IGSF11: variants seen among roughly 807,000 people sequenced by gnomAD.
IGSF11 encodes the protein immunoglobulin superfamily member 11, also known as CXADR like 1.
Under a neutral mutation model 41.0 loss-of-function variants are expected in IGSF11, and 22 were observed. The ratio of observed to expected loss-of-function variants is 0.54; its 90% CI spans 0.38 to 0.77. The LOEUF is 0.77. IGSF11 is among the 30% of genes least tolerant of loss of function. The pLI is 0.00. For synonymous variants in IGSF11, 219 were observed against 201.3 expected, an observed-to-expected ratio of 1.09 and a Z score of -0.74; for missense variants, 444 against 530.8, an observed-to-expected ratio of 0.84 and a Z score of 1.61.
At chr3:118,988,206 A>G (rs762685627) in intron 1 of IGSF11, among the ~76,000 whole-genome samples, 2 of 152,214 alleles carry the variant, frequency 1.3e-5, no homozygotes, top group Non-Finnish European at 2.9e-5. Flanking sequence ...TCAATATAAT[A>G]TCCTAATTGC....
intron 1 of IGSF11, among the ~76,000 whole-genome samples, chr3:119,116,003 C>T (rs1332476298): frequency 2.0e-5 from 3 of 152,192 alleles, no homozygotes; most frequent in African/African-American, 7.2e-5. Flanking sequence ...TGTGAATTTA[C>T]TCTACCTCTA....
chr3:118,929,987 G>C, intron 2 of IGSF11, 125 bp downstream of exon 2: 2 of 863,578 alleles, frequency 2.3e-6, no homozygotes, highest in Non-Finnish European at 3.5e-6. Context: ...GGCCTTAAAA[G>C]AGTACACGCA....
chr3:118,912,788 A>T (rs79291883), intron 4 of IGSF11, among the ~76,000 whole-genome samples: 4,056 of 152,286 alleles, frequency 0.027, 164 homozygotes, highest in African/African-American at 0.092. Flanking sequence ...TATTAAACAT[A>T]TACAGAATAG....
At chr3:118,913,971 C>T (rs971395781) in intron 4 of IGSF11, among the ~76,000 whole-genome samples, 2 of 152,088 alleles carry the variant, frequency 1.3e-5, no homozygotes, top group Non-Finnish European at 2.9e-5. Flanking sequence ...AGAGAAAGAA[C>T]TGATGAGACG....
At chr3:118,903,020 T>G in intron 6 of IGSF11, 59 bp from the exon 7 acceptor site, 1 of 1,460,468 alleles carries the variant, frequency 6.8e-7, no homozygotes, top group Non-Finnish European at 9.4e-7. Context: ...CCTATCCTCC[T>G]ACCCTGGAAT....
intron 1 of IGSF11, among the ~76,000 whole-genome samples, chr3:119,022,431 A>T (rs1447939445): frequency 6.6e-6 from 1 of 152,212 alleles, no homozygotes; most frequent in African/African-American, 2.4e-5. Context: ...GTTATGTTAT[A>T]TATATTTTAC....
At chr3:118,930,321 C>A in intron 1 of IGSF11, 46 bp from the exon 2 acceptor site, 1 of 1,560,486 alleles carries the variant, frequency 6.4e-7, no homozygotes, top group Non-Finnish European at 8.7e-7. Context: ...CCTTTCCCAA[C>A]AGTCCAAACT....
chr3:119,048,283 C>T (rs1359196536), intron 1 of IGSF11, among the ~76,000 whole-genome samples: 1 of 151,886 alleles, frequency 6.6e-6, no homozygotes, highest in African/African-American at 2.4e-5. Context: ...AGAGAAGAAT[C>T]AAATAGACGC....
chr3:119,145,916 C>T (rs1014370818), exon 1 of IGSF11: 5 of 395,600 alleles, frequency 1.3e-5, no homozygotes, highest in Admixed American at 4.2e-5. Flanking sequence ...CCTGGTTGCT[C>T]GGCAGGGTGA....
Position 118,902,466 on chromosome 3 carries a change from C to CCAGTT in IGSF11, c.*53_*54insAACTG. 4 of 878,258 alleles carry CCAGTT rather than the reference C, an allele frequency of 4.6e-6. No individual in the cohort carries two copies. Among genetic ancestry groups the CCAGTT allele is most frequent in the East Asian group, 2.5e-5 (1 of 39,486 alleles). The allele number at this position is 878,258 out of a possible 1,614,324, so 54.4% of individuals were successfully genotyped here. On this transcript the variant is annotated 3_prime_UTR_variant, in exon 7 of 7. Coordinates refer to ENST00000393775, the MANE Select transcript of IGSF11 (RefSeq NM_001015887.3). ...CAGCACTCCCCACCCCACCCTCCCC[C>CCAGTT]TTGTATGAGGGCATTCCATTTATTC...
intron 1 of IGSF11, among the ~76,000 whole-genome samples, chr3:119,048,861 G>T (rs539595221): frequency 8.9e-4 from 135 of 152,180 alleles, no homozygotes; most frequent in African/African-American, 2.9e-3. Context: ...ATCAGTAAAT[G>T]TAATCCAGCA....
At chr3:118,931,893 C>T (rs1942885446) in intron 1 of IGSF11, among the ~76,000 whole-genome samples, 1 of 152,082 alleles carries the variant, frequency 6.6e-6, no homozygotes, top group East Asian at 1.9e-4. Context: ...CCACCATGCC[C>T]AGCTAATTTT....
At chr3:119,136,718 A>G (rs2077568096) in intron 1 of IGSF11, among the ~76,000 whole-genome samples, 1 of 152,178 alleles carries the variant, frequency 6.6e-6, no homozygotes, top group African/African-American at 2.4e-5. Context: ...TAATAGCTGA[A>G]GATTTCAACA....
chr3:118,982,349 T>C (rs144664928), intron 1 of IGSF11, among the ~76,000 whole-genome samples: 57 of 152,254 alleles, frequency 3.7e-4, no homozygotes, highest in African/African-American at 1.3e-3. Flanking sequence ...GCCCCCTCCT[T>C]TCCTCAAAAA....
intron 1 of IGSF11, among the ~76,000 whole-genome samples, chr3:119,113,981 C>T (rs778202112): frequency 6.6e-6 from 1 of 152,218 alleles, no homozygotes; most frequent in South Asian, 2.1e-4. Flanking sequence ...GAAGCAGTGA[C>T]CTGAGACATA....
chr3:119,094,905 C>G (rs936468443), intron 1 of IGSF11, among the ~76,000 whole-genome samples: 2 of 151,972 alleles, frequency 1.3e-5, no homozygotes, highest in Non-Finnish European at 2.9e-5. Context: ...CACCTGACCT[C>G]AGATGATCCA....
intron 1 of IGSF11, among the ~76,000 whole-genome samples, chr3:119,112,097 C>A (rs1403562462): frequency 6.6e-6 from 1 of 152,182 alleles, no homozygotes; most frequent in Non-Finnish European, 1.5e-5. Flanking sequence ...AAGCTGCGTA[C>A]TGGGAGAACC....
At chr3:119,103,083 C>T (rs895498491) in intron 1 of IGSF11, among the ~76,000 whole-genome samples, 4 of 150,466 alleles carry the variant, frequency 2.7e-5, no homozygotes, top group African/African-American at 9.7e-5. Context: ...CTGCAAGCTC[C>T]GCCTCCCGGG....
intron 4 of IGSF11, among the ~76,000 whole-genome samples, chr3:118,916,177 A>C (rs374138231): frequency 6.6e-6 from 1 of 150,986 alleles, no homozygotes; most frequent in African/African-American, 2.5e-5. Flanking sequence ...GACCATCGAG[A>C]CTAGGAAGAA....
Sources: gnomAD v4.1 joint callset for allele counts (sites outside exome capture counted in the v4.1 genomes callset) on GRCh38, gnomAD v4.1.1 for gene constraint, MANE v1.5 for transcripts, NCBI Gene and HGNC (gene_info 2026-07-23, HGNC 2026-07-21) for gene names.